The following ARID1A variants were observed in gnomAD, a reference collection of about 807,000 sequenced individuals.
The protein encoded by ARID1A is AT-rich interactive domain-containing protein 1A.
A neutral mutation model predicts 212.6 loss-of-function variants in ARID1A; 20 were observed. The ratio of observed to expected loss-of-function variants is 0.09; its 90% CI spans 0.07 to 0.14. The LOEUF is 0.14. Among genes scored for constraint, ARID1A ranks in the 10% least tolerant of loss-of-function variants. The pLI, the probability that ARID1A is intolerant of heterozygous loss-of-function variation, is 1.00. For missense variants in ARID1A, 2,587 were observed against 3,059.0 expected (o/e 0.85, Z 3.64); for synonymous variants, 1,376 against 1,222.1 (o/e 1.13, Z -2.63).
Position 26,774,152 on chromosome 1 carries a change from A to G in ARID1A, c.4102-177A>G. ...TTTTCTACTTAAGCAAGGGAAGGGA[A>G]GAAAGAGTGGTGGTTGCTTTTGGAA... On this transcript the variant is annotated intron_variant, in intron 17 of 19. Transcript: ENST00000324856. The surrounding 1 kb of genome is among the most constrained non-coding windows in gnomAD (Gnocchi z 5.6). The G allele has an allele frequency of 7.8e-7, 1 of 1,279,360 alleles. No homozygotes were observed. Among genetic ancestry groups the G allele is most frequent in the Non-Finnish European group, 1.0e-6 (1 of 952,484 alleles). The allele number at this position is 1,279,360 out of a possible 1,614,324, so 79.3% of individuals were successfully genotyped here.
In ARID1A at chr1:26,696,057, C is replaced by T. The variant is rs2080245994; in HGVS notation, c.-347C>T. ...AGAAAGCGGAGAGTCACAGCGGGGC[C>T]AGGCCCTGGGGAGCGGAGCCTCCAC... On this transcript the variant is annotated 5_prime_UTR_variant, in exon 1 of 20. Coordinates refer to ENST00000324856, the MANE Select transcript of ARID1A (RefSeq NM_006015.6). 9.1e-6 allele frequency: 6 copies of T among 656,858 alleles called. No homozygotes were observed. Among genetic ancestry groups the T allele is most frequent in the Non-Finnish European group, 1.2e-5 (6 of 520,656 alleles). The allele number at this position is 656,858 out of a possible 1,614,324, so 40.7% of individuals were successfully genotyped here.
intron 1 of ARID1A, among the ~76,000 whole-genome samples, chr1:26,720,112 A>G (rs2080546804): frequency 6.6e-6 from 1 of 151,844 alleles, no homozygotes; most frequent in East Asian, 1.9e-4. Flanking sequence ...TTAGCCGGGC[A>G]TGGTGGCATG....
In ARID1A at chr1:26,696,167, G is replaced by T; in HGVS notation, c.-237G>T. The T allele has an allele frequency of 1.8e-6, 1 of 543,190 alleles. No homozygotes were observed. The allele number at this position is 543,190 out of a possible 1,614,324, so 33.6% of individuals were successfully genotyped here. A position where few individuals can be genotyped will look rare whatever the true frequency, so the allele number is the denominator to read the frequency against. On this transcript the variant is annotated 5_prime_UTR_variant, in exon 1 of 20. Coordinates refer to ENST00000324856, the MANE Select transcript of ARID1A (RefSeq NM_006015.6). ...AGCCTACAGAGCCGGGAGCAGCTGA[G>T]CCGCCGGCGCCTCGGCCGCCGCCGC... is the stretch of plus-strand genomic sequence containing the variant.
chr1:26,696,425 G>C lies in ARID1A; in HGVS notation c.22G>C (p.Ala8Pro), dbSNP rs1296885198. Residue 8 changes from alanine to proline, a missense_variant, in exon 1 of 20, where the codon GCC becomes CCC. Transcript: ENST00000324856. ...GATCATGGCCGCGCAGGTCGCCCCC[G>C]CCGCCGCCAGCAGCCTGGGCAACCC... MAAQVAP[A>P]AASSLGNPPP... 1 of 1,288,106 alleles carries C rather than the reference G, an allele frequency of 7.8e-7. No individual in the cohort carries two copies. The highest frequency in any genetic ancestry group is 9.8e-7 in the Non-Finnish European group (1 of 1,018,948). 79.8% of individuals were successfully genotyped at this position (1,288,106 alleles called of 1,614,324 possible). A position where few individuals can be genotyped will look rare whatever the true frequency, so the allele number is the denominator to read the frequency against.
At chr1:26,711,461 C>T (rs985941007) in intron 1 of ARID1A, among the ~76,000 whole-genome samples, 3 of 152,124 alleles carry the variant, frequency 2.0e-5, no homozygotes, top group Non-Finnish European at 2.9e-5. Flanking sequence ...CATGGGGGCA[C>T]ACCCTCATGA....
intron 4 of ARID1A, among the ~76,000 whole-genome samples, chr1:26,740,799 C>T (rs769786777): frequency 3.9e-5 from 6 of 152,102 alleles, no homozygotes; most frequent in Non-Finnish European, 5.9e-5. Flanking sequence ...GAGTTCTGGT[C>T]CTTCTGTCTC....
chr1:26,755,907 C>A (rs2080931259), intron 4 of ARID1A, among the ~76,000 whole-genome samples: 1 of 151,890 alleles, frequency 6.6e-6, no homozygotes, highest in African/African-American at 2.4e-5. Context: ...CCACACCTGG[C>A]TATTTTTTTG....
At chr1:26,756,904 G>A (rs902668655) in intron 4 of ARID1A, among the ~76,000 whole-genome samples, 19 of 151,904 alleles carry the variant, frequency 1.3e-4, no homozygotes, top group African/African-American at 2.9e-4. Context: ...GGGTTTCACC[G>A]TGTTAGCCAG....
At position 26,772,964 on chromosome 1, in the gene ARID1A, A is replaced by T. The variant is rs372401403; in HGVS notation, c.3692A>T (p.Asp1231Val). 6.2e-7 allele frequency: 1 copy of T among 1,612,340 alleles called. No homozygotes were observed. The highest frequency in any genetic ancestry group is 8.5e-7 in the Non-Finnish European group (1 of 1,178,750). Residue 1231 changes from aspartate to valine, a missense_variant, in exon 14 of 20, where the codon GAT (aspartate) becomes GTT (valine). Asp to Val is a radical substitution (Grantham distance 152). This residue lies in a region of ARID1A where 890 missense variants were observed against 1,098.2 expected (regional missense o/e 0.81). Transcript: ENST00000324856. ...MGRMSYEPNK[D>V]PYGSMRKAPG... ...CGCATGTCCTATGAGCCAAATAAGGATCCTTATGGCAGCATGAGGAAAGGT... is the reference window on the plus strand; with the variant it reads ...CGCATGTCCTATGAGCCAAATAAGGTTCCTTATGGCAGCATGAGGAAAGGT...
At chr1:26,745,911 C>T (rs956252083) in intron 4 of ARID1A, among the ~76,000 whole-genome samples, 3 of 152,044 alleles carry the variant, frequency 2.0e-5, no homozygotes, top group Admixed American at 6.6e-5. Context: ...ATTAGCCGGG[C>T]GTGGTGGCAT....
At position 26,737,841 on chromosome 1, in the gene ARID1A, G is replaced by C. The variant is rs541616523; in HGVS notation, c.1920+5049G>C. Reference sequence around the variant, plus strand: ...GATGGTGCCATTACACTCCAGCCTGGGCTACAAGAGCGAAACTCCGTCTCA... The same window carrying C: ...GATGGTGCCATTACACTCCAGCCTGCGCTACAAGAGCGAAACTCCGTCTCA... On this transcript the variant is annotated intron_variant, in intron 4 of 19. Transcript: ENST00000324856. Among the ~76,000 whole-genome samples the C allele has an allele frequency of 6.3e-4, 95 of 151,580 alleles. No homozygotes were observed. In the Middle Eastern group the frequency reaches 0.01, roughly 16 times the overall value.
At position 26,734,343 on chromosome 1, in the gene ARID1A, C is replaced by CT. The variant is rs55976597; in HGVS notation, c.1920+1570dup. ...CTTTTGATAGATCTGTATTTGGCTT[C>CT]TTTTTTTTTTTTTTTTTTTGGTCCT... On this transcript the variant is annotated intron_variant, in intron 4 of 19. Coordinates refer to ENST00000324856, the MANE Select transcript of ARID1A (RefSeq NM_006015.6). 6.8e-3 allele frequency among the ~76,000 whole-genome samples: 825 copies of CT among 121,416 alleles called. 6 individuals are homozygous for CT. The highest frequency in any genetic ancestry group is 9.8e-3 in the African/African-American group (309 of 31,638). The allele number at this position is 121,416 out of a possible 152,430, so 79.7% of individuals were successfully genotyped here.
At chr1:26,722,000 A>G (rs2080569593) in intron 1 of ARID1A, among the ~76,000 whole-genome samples, 1 of 152,124 alleles carries the variant, frequency 6.6e-6, no homozygotes, top group Non-Finnish European at 1.5e-5. Flanking sequence ...GGATAGAGAT[A>G]TGGTAGTCTA....
intron 1 of ARID1A, among the ~76,000 whole-genome samples, chr1:26,708,734 G>C (rs555575026): frequency 6.6e-6 from 1 of 151,560 alleles, no homozygotes; most frequent in African/African-American, 2.4e-5. Flanking sequence ...TTGCTCTGTC[G>C]CCCAGGCTGG....
At chr1:26,730,247 ATACCTT>A (rs2124786432) in intron 2 of ARID1A, among the ~76,000 whole-genome samples, 2 of 152,338 alleles carry the variant, frequency 1.3e-5, no homozygotes, top group African/African-American at 4.8e-5. Flanking sequence ...ATGCTTCTGA[ATACCTT>A]TAACATATCT....
At chr1:26,773,121 C>G (rs1286586498) in intron 14 of ARID1A, 134 bp downstream of exon 14, 1 of 1,292,848 alleles carries the variant, frequency 7.7e-7, no homozygotes. Context: ...CCTAACTACC[C>G]CTCTTCATCC....
At chr1:26,699,332 G>C (rs930701371) in intron 1 of ARID1A, among the ~76,000 whole-genome samples, 2 of 152,116 alleles carry the variant, frequency 1.3e-5, no homozygotes, top group African/African-American at 4.8e-5. Flanking sequence ...CAGTGCTTTT[G>C]GTCAGGGATA....
At chr1:26,712,031 T>C (rs997672657) in intron 1 of ARID1A, among the ~76,000 whole-genome samples, 1 of 151,956 alleles carries the variant, frequency 6.6e-6, no homozygotes, top group African/African-American at 2.4e-5. Flanking sequence ...CAGTGAGCCA[T>C]GATGGCACCA....
At chr1:26,751,279 T>C (rs1052487565) in intron 4 of ARID1A, among the ~76,000 whole-genome samples, 1 of 151,686 alleles carries the variant, frequency 6.6e-6, no homozygotes, top group African/African-American at 2.4e-5. Context: ...GGGGAACACA[T>C]AGCATCACAG....
Sources: gnomAD v4.1 joint callset for allele counts (sites outside exome capture counted in the v4.1 genomes callset) on GRCh38, gnomAD v4.1.1 for gene constraint, gnomAD v4.1.1 regional missense constraint, Gnocchi (gnomAD v3.1) non-coding constraint, MANE v1.5 for transcripts, NCBI Gene and HGNC (gene_info 2026-07-23, HGNC 2026-07-21) for gene names.